Variants in OPHN1 observed in about 807,000 individuals in gnomAD.
OPHN1 encodes the protein oligophrenin-1.
OPHN1 carries 11 observed loss-of-function variants against 60.7 expected under a neutral mutation model. That is an observed-to-expected ratio of 0.18 (90% CI 0.11 to 0.30). The LOEUF is 0.30. Ranked by LOEUF, OPHN1 falls within the 10% of genes least tolerant of loss-of-function variation. OPHN1 has a pLI of 1.00. For missense variants in OPHN1, 449 were observed against 611.0 expected, an observed-to-expected ratio of 0.73 and a Z score of 2.80; for synonymous variants, 226 against 222.6, an observed-to-expected ratio of 1.02 and a Z score of -0.14.
At chrX:68,324,706 T>C (rs1330661534) in intron 2 of OPHN1, among the ~76,000 whole-genome samples, 5 of 110,511 alleles carry the variant, frequency 4.5e-5, no homozygotes, top group African/African-American at 1.6e-4. Context: ...TAAATTACCT[T>C]AAAATGAATT....
intron 15 of OPHN1, among the ~76,000 whole-genome samples, chrX:68,169,546 G>A (rs1279257359): frequency 3.7e-5 from 4 of 108,666 alleles, no homozygotes; most frequent in Non-Finnish European, 7.6e-5. Flanking sequence ...CAAGGCTACA[G>A]TAACCAAAAC....
intron 2 of OPHN1, among the ~76,000 whole-genome samples, chrX:68,383,987 C>T (rs1329707571): frequency 1.8e-5 from 2 of 110,899 alleles, no homozygotes; most frequent in African/African-American, 3.3e-5. Flanking sequence ...GCTAAATAAA[C>T]GGAAAGTGGG....
chrX:68,071,156 G>T, intron 20 of OPHN1: 8 of 745,227 alleles, frequency 1.1e-5, no homozygotes, highest in Non-Finnish European at 1.7e-5. Context: ...GCCAGGAAGG[G>T]TCGCTATGGG....
intron 2 of OPHN1, among the ~76,000 whole-genome samples, chrX:68,384,732 A>G (rs1302520848): frequency 1.8e-5 from 2 of 110,255 alleles, no homozygotes; most frequent in African/African-American, 3.3e-5. Flanking sequence ...AAAAAAAAAA[A>G]AAGAAGAAGA....
intron 6 of OPHN1, among the ~76,000 whole-genome samples, chrX:68,221,606 G>T (rs954433075): frequency 1.1e-4 from 10 of 89,985 alleles, no homozygotes; most frequent in African/African-American, 3.4e-4. Flanking sequence ...ACAGAACAGA[G>T]CCCTCAGAAA....
At chrX:68,077,472 G>A (rs2076957736) in intron 19 of OPHN1, among the ~76,000 whole-genome samples, 2 of 112,021 alleles carry the variant, frequency 1.8e-5, no homozygotes, top group African/African-American at 6.5e-5. Flanking sequence ...CACTCACTGA[G>A]GAATATTACA....
At chrX:68,126,048 G>A (rs1410027106) in intron 15 of OPHN1, among the ~76,000 whole-genome samples, 1 of 102,517 alleles carries the variant, frequency 9.8e-6, no homozygotes, top group Non-Finnish European at 2.0e-5. Flanking sequence ...TCATGACCAA[G>A]TGGGATTTAT....
chrX:68,126,845 T>A (rs944650828), intron 15 of OPHN1, among the ~76,000 whole-genome samples: 1 of 112,224 alleles, frequency 8.9e-6, no homozygotes, highest in African/African-American at 3.2e-5. Flanking sequence ...TTGGTCACTG[T>A]GAACCACTCT....
intron 2 of OPHN1, among the ~76,000 whole-genome samples, chrX:68,303,620 C>T (rs1370067856): frequency 9.3e-6 from 1 of 107,289 alleles, no homozygotes; most frequent in East Asian, 2.9e-4. Flanking sequence ...TGCACTCCAG[C>T]CTGAACAACA....
At chrX:68,181,461 T>C (rs2147437448) in intron 15 of OPHN1, among the ~76,000 whole-genome samples, 1 of 111,663 alleles carries the variant, frequency 9.0e-6, no homozygotes, top group East Asian at 2.8e-4. Flanking sequence ...ATTTGAATTT[T>C]AACTGAGCAT....
intron 15 of OPHN1, among the ~76,000 whole-genome samples, chrX:68,123,660 G>C (rs756642706): frequency 1.8e-5 from 2 of 111,479 alleles, no homozygotes; most frequent in African/African-American, 6.5e-5. Flanking sequence ...GTTATAAGTT[G>C]TCATCAGTTT....
chrX:68,123,961 AAATAGATC>A (rs2077159738), intron 15 of OPHN1, among the ~76,000 whole-genome samples: 1 of 110,382 alleles, frequency 9.1e-6, no homozygotes, highest in Non-Finnish European at 1.9e-5. Context: ...GGATAAAAAA[AAATAGATC>A]AAATGACTCT....
intron 2 of OPHN1, among the ~76,000 whole-genome samples, chrX:68,312,395 C>A (rs1389582884): frequency 1.8e-5 from 2 of 108,581 alleles, no homozygotes; most frequent in South Asian, 8.3e-4. Flanking sequence ...GTGCTCCCGG[C>A]CAATAACTCA....
chrX:68,063,605 G>A (rs2076901603), intron 21 of OPHN1, among the ~76,000 whole-genome samples: 1 of 111,681 alleles, frequency 9.0e-6, no homozygotes. Context: ...TCAGCAATTA[G>A]TACAGTGCCA....
intron 2 of OPHN1, among the ~76,000 whole-genome samples, chrX:68,426,569 T>A (rs73634123): frequency 0.14 from 5,964 of 41,315 alleles, 823 homozygotes; most frequent in African/African-American, 0.27. Context: ...TATATATATA[T>A]ACATACACAG....
intron 5 of OPHN1, among the ~76,000 whole-genome samples, chrX:68,257,938 A>T (rs2077872392): frequency 9.0e-6 from 1 of 110,702 alleles, no homozygotes; most frequent in South Asian, 3.9e-4. Flanking sequence ...CAAGCTCACA[A>T]AAGGAAACCT....
intron 2 of OPHN1, among the ~76,000 whole-genome samples, chrX:68,320,861 C>T (rs894616493): frequency 6.3e-5 from 7 of 111,272 alleles, no homozygotes; most frequent in African/African-American, 2.0e-4. Flanking sequence ...TTTGATAGAG[C>T]GGCTCACCAA....
chrX:68,307,458 C>CA (rs757375176), intron 2 of OPHN1, among the ~76,000 whole-genome samples: 175 of 50,106 alleles, frequency 3.5e-3, no homozygotes, highest in Middle Eastern at 0.012. Context: ...CCTATGTCAA[C>CA]AAAAAAAAAA....
intron 15 of OPHN1, among the ~76,000 whole-genome samples, chrX:68,134,352 G>A (rs1179266709): frequency 1.8e-5 from 2 of 111,223 alleles, no homozygotes; most frequent in Non-Finnish European, 3.8e-5. Context: ...AGTTAGGATG[G>A]ACATTAGCTG....
Sources: gnomAD v4.1 joint callset for allele counts (sites outside exome capture counted in the v4.1 genomes callset) on GRCh38, gnomAD v4.1.1 for gene constraint, MANE v1.5 for transcripts, NCBI Gene and HGNC (gene_info 2026-07-23, HGNC 2026-07-21) for gene names.